The following KIAA2012 variants were observed in gnomAD, a reference collection of about 807,000 sequenced individuals.
KIAA2012 encodes the protein KIAA2012, also known as uncharacterized protein KIAA2012.
Under a neutral mutation model 150.6 loss-of-function variants are expected in KIAA2012, and 125 were observed. The ratio of observed to expected loss-of-function variants is 0.83; its 90% CI spans 0.72 to 0.96. The LOEUF is 0.96. Among genes scored for constraint, KIAA2012 ranks in the 40% least tolerant of loss-of-function variants. The pLI is 0.00. For missense variants in KIAA2012, 1,219 were observed against 1,354.9 expected (o/e 0.90, Z 1.57); for synonymous variants, 462 against 504.7 (o/e 0.92, Z 1.13).
Position 202,113,436 on chromosome 2 carries a change from A to G in KIAA2012, c.1752A>G (p.Pro584=), listed in dbSNP as rs1435175535. ...GGCATACCCAAACCGAGGCGCTTCC[A>G]TCGGGTAAAGGTAAGCTAACACATT... ...LPGHTQTEAL[P]SGKAYESVNS... is the part of the protein sequence containing the mutation. The change falls in exon 11 of 24, where the codon CCA becomes CCG. Residue 584 remains proline (P), a synonymous_variant. Transcript: ENST00000498697. 1.3e-6 allele frequency: 2 copies of G among 1,548,884 alleles called. No homozygotes were observed. Among genetic ancestry groups the G allele is most frequent in the African/African-American group, 1.4e-5 (1 of 72,806 alleles).
rs1692552766 is a variant in KIAA2012 at position 202,202,682 on chromosome 2, C to CT, written c.*20+98dup. ...GTGGCTCATGCATGTAATCCCAACA[C>CT]TTTGAGAGGCTGAGGCGGGAGGCTT... On this transcript the variant is annotated intron_variant, in intron 23 of 23. Coordinates refer to ENST00000498697, the MANE Select transcript of KIAA2012 (RefSeq NM_001277372.4). 3 of 393,882 alleles carry CT rather than the reference C, an allele frequency of 7.6e-6. No individual in the cohort carries two copies. The South Asian group carries it at 4.3e-4, about 56-fold the overall frequency. The allele number at this position is 393,882 out of a possible 1,614,324, so 24.4% of individuals were successfully genotyped here.
chr2:202,125,215 C>T lies in KIAA2012; in HGVS notation c.1764C>T (p.Ala588=), dbSNP rs1031201731. 1.3e-6 allele frequency: 2 copies of T among 1,549,376 alleles called. No individual in the cohort carries two copies. The highest frequency in any genetic ancestry group is 1.4e-5 in the African/African-American group (1 of 73,018). The stretch of plus-strand genomic sequence containing the variant: ...GTAAAATATCTTACTGTTTTTCAGC[C>T]TATGAATCTGTCAATTCAAATATCA... ...TQTEALPSGK[A]YESVNSNISH... Residue 588 remains alanine, a splice_region_variant and synonymous_variant, in exon 12 of 24, where the codon GCC becomes GCT. Transcript: ENST00000498697.
Position 202,146,960 on chromosome 2 carries a change from A to G in KIAA2012, c.1909-7713A>G, listed in dbSNP as rs79480764. 7.0e-4 allele frequency among the ~76,000 whole-genome samples: 106 copies of G among 152,306 alleles called. 1 individual carries two copies. Among genetic ancestry groups the G allele is most frequent in the East Asian group, 2.9e-3 (15 of 5,182 alleles). On this transcript the variant is annotated intron_variant, in intron 13 of 23. Transcript: ENST00000498697. ...AGATGAAACATATTGAAAGGGATTC[A>G]CACAATGCTTGGCAGTAGGCAGCCC...
intron 18 of KIAA2012, among the ~76,000 whole-genome samples, 183 bp from the exon 19 acceptor site, chr2:202,189,991 G>A (rs183735392): frequency 5.0e-4 from 76 of 152,106 alleles, no homozygotes; most frequent in Non-Finnish European, 8.8e-4. Context: ...TCAGGAAGCC[G>A]AGGTGGGAGG....
chr2:202,203,976 A>G (rs1311306964), intron 23 of KIAA2012, among the ~76,000 whole-genome samples: 2 of 151,806 alleles, frequency 1.3e-5, no homozygotes, highest in African/African-American at 4.8e-5. Context: ...TCACCATGTT[A>G]GCCAGGATGG....
At chr2:202,174,422 C>G (rs1246922465) in intron 15 of KIAA2012, among the ~76,000 whole-genome samples, 1 of 152,084 alleles carries the variant, frequency 6.6e-6, no homozygotes, top group Non-Finnish European at 1.5e-5. Flanking sequence ...GGTATTATTT[C>G]CAGACTATAT....
At chr2:202,093,434 G>T (rs937448198) in intron 4 of KIAA2012, among the ~76,000 whole-genome samples, 1 of 152,296 alleles carries the variant, frequency 6.6e-6, no homozygotes, top group South Asian at 2.1e-4. Context: ...TTGAAATGTA[G>T]CAGTACAACA....
At chr2:202,168,447 A>T (rs1691819333) in intron 15 of KIAA2012, among the ~76,000 whole-genome samples, 1 of 151,944 alleles carries the variant, frequency 6.6e-6, no homozygotes, top group African/African-American at 2.4e-5. Context: ...AAGAAAAAAA[A>T]AGAAAAGTAC....
At chr2:202,113,892 AGTT>A (rs1299819618) in intron 11 of KIAA2012, 2 of 153,938 alleles carry the variant, frequency 1.3e-5, no homozygotes, top group African/African-American at 4.8e-5. Context: ...ATAGCAAGGC[AGTT>A]TCCAAAAACC....
At chr2:202,079,096 C>T (rs1339179617) in intron 2 of KIAA2012, among the ~76,000 whole-genome samples, 1 of 152,106 alleles carries the variant, frequency 6.6e-6, no homozygotes, top group Non-Finnish European at 1.5e-5. Context: ...ACTCAGGAGG[C>T]TGATACATTT....
chr2:202,105,383 C>T (rs1690158156), intron 8 of KIAA2012, among the ~76,000 whole-genome samples: 1 of 152,216 alleles, frequency 6.6e-6, no homozygotes, highest in African/African-American at 2.4e-5. Context: ...TTTCTCTCAA[C>T]TCTGTTAGCC....
intron 2 of KIAA2012, among the ~76,000 whole-genome samples, chr2:202,076,050 C>T (rs1009369746): frequency 6.6e-6 from 1 of 152,204 alleles, no homozygotes; most frequent in African/African-American, 2.4e-5. Context: ...CATGACTCTC[C>T]ATTTTTGCAC....
chr2:202,160,592 C>T (rs796420217), intron 14 of KIAA2012, among the ~76,000 whole-genome samples: 40 of 152,130 alleles, frequency 2.6e-4, no homozygotes, highest in African/African-American at 7.5e-4. Flanking sequence ...GGATTACAGG[C>T]GTGAGCCACC....
intron 13 of KIAA2012, among the ~76,000 whole-genome samples, chr2:202,140,555 G>A (rs963639430): frequency 6.6e-6 from 1 of 152,172 alleles, no homozygotes; most frequent in Non-Finnish European, 1.5e-5. Flanking sequence ...AGGGTGGGAG[G>A]GAGGTGGGGG....
intron 13 of KIAA2012, among the ~76,000 whole-genome samples, chr2:202,150,708 G>A (rs540587030): frequency 5.3e-5 from 8 of 152,116 alleles, no homozygotes; most frequent in Admixed American, 1.3e-4. Context: ...TCAGCCTCCC[G>A]CAGTCCTGGG....
rs1692355296 is a variant in KIAA2012 at position 202,193,372 on chromosome 2, G to T, written c.2883G>T (p.Arg961Ser). ...TTCGAGCAGAAAGAGCCGAGATGAG[G>T]TGGCTGGAGGTGGAGAAGAAGAGAA... ...DRLRAERAEM[R>S]WLEVEKKRRE... The change falls in exon 20 of 24, where the codon AGG (arginine) becomes AGT (serine). Residue 961 changes from arginine (R) to serine (S), a missense_variant. Coordinates refer to ENST00000498697, the MANE Select transcript of KIAA2012 (RefSeq NM_001277372.4). 1 of 1,550,338 alleles carries T rather than the reference G, an allele frequency of 6.5e-7. No individual in the cohort carries two copies. The highest frequency in any genetic ancestry group is 8.7e-7 in the Non-Finnish European group (1 of 1,146,836).
chr2:202,131,511 A>C (rs1409386890), intron 12 of KIAA2012, among the ~76,000 whole-genome samples: 3 of 152,220 alleles, frequency 2.0e-5, no homozygotes, highest in Non-Finnish European at 4.4e-5. Context: ...TTGTCCATCT[A>C]CTAGTGACAA....
At chr2:202,089,699 A>G (rs553930688) in intron 2 of KIAA2012, among the ~76,000 whole-genome samples, 9 of 152,344 alleles carry the variant, frequency 5.9e-5, no homozygotes, top group African/African-American at 2.2e-4. Context: ...TTCCATTCAT[A>G]TGAAGTTCAA....
intron 12 of KIAA2012, among the ~76,000 whole-genome samples, chr2:202,134,321 C>T (rs868536998): frequency 4.6e-5 from 7 of 152,166 alleles, no homozygotes; most frequent in Non-Finnish European, 5.9e-5. Context: ...GCACCTCCAA[C>T]AGCTACTGCC....
Sources: gnomAD v4.1 joint callset for allele counts (sites outside exome capture counted in the v4.1 genomes callset) on GRCh38, gnomAD v4.1.1 for gene constraint, MANE v1.5 for transcripts, NCBI Gene and HGNC (gene_info 2026-07-23, HGNC 2026-07-21) for gene names.